Variants in GRB10 observed in about 807,000 individuals in gnomAD.
GRB10 encodes the protein growth factor receptor bound protein 10.
Under a neutral mutation model 80.9 loss-of-function variants are expected in GRB10, and 20 were observed. That is an observed-to-expected ratio of 0.25 (90% confidence interval 0.17 to 0.36). The LOEUF is 0.36. Ranked by LOEUF, GRB10 falls within the 10% of genes least tolerant of loss-of-function variation. GRB10 has a pLI of 1.00. For missense variants in GRB10, 548 were observed against 747.7 expected (o/e 0.73, Z 3.12); for synonymous variants, 291 against 291.5 (o/e 1.00, Z 0.02).
intron 4 of GRB10, among the ~76,000 whole-genome samples, chr7:50,708,755 A>T (rs1183466038): frequency 6.9e-6 from 1 of 145,648 alleles, no homozygotes; most frequent in South Asian, 2.2e-4. Context: ...GGCTCACTGC[A>T]ATCTCCACCT....
intron 5 of GRB10, among the ~76,000 whole-genome samples, chr7:50,700,604 A>G (rs927960757): frequency 1.3e-5 from 2 of 152,324 alleles, no homozygotes; most frequent in Middle Eastern, 6.8e-3. Context: ...TGAAGCTTAG[A>G]AAGTTAGCCT....
intron 3 of GRB10, among the ~76,000 whole-genome samples, chr7:50,742,768 G>A (rs920853153): frequency 5.3e-5 from 8 of 152,102 alleles, no homozygotes; most frequent in Admixed American, 3.9e-4. Flanking sequence ...AAGCTCCTCA[G>A]CTGTTTCCAA....
intron 2 of GRB10, among the ~76,000 whole-genome samples, chr7:50,777,264 A>C (rs1001690419): frequency 3.3e-5 from 5 of 152,030 alleles, no homozygotes; most frequent in African/African-American, 1.2e-4. Context: ...GAAGAGAGCA[A>C]ACCCATTCCC....
chr7:50,652,329 G>A (rs1302781942), intron 7 of GRB10, among the ~76,000 whole-genome samples: 4 of 152,188 alleles, frequency 2.6e-5, no homozygotes, highest in Non-Finnish European at 5.9e-5. Flanking sequence ...TCAGGGCCAC[G>A]GTTATGGCAG....
At chr7:50,652,512 G>C (rs1025603790) in intron 7 of GRB10, among the ~76,000 whole-genome samples, 12 of 152,192 alleles carry the variant, frequency 7.9e-5, no homozygotes, top group Non-Finnish European at 1.6e-4. Context: ...CCACTGAACT[G>C]ACTGCTAATA....
chr7:50,713,121 G>A (rs2066148869), intron 4 of GRB10, among the ~76,000 whole-genome samples: 1 of 152,208 alleles, frequency 6.6e-6, no homozygotes, highest in African/African-American at 2.4e-5. Flanking sequence ...CTACAGAAGA[G>A]TAGCTACATG....
At position 50,632,648 on chromosome 7, in the gene GRB10, G is replaced by A. The variant is rs139696370; in HGVS notation, c.505-5670C>T. Among the ~76,000 whole-genome samples, 1,027 of 152,306 alleles carry A rather than the reference G, an allele frequency of 6.7e-3. 12 individuals are homozygous for A. Among genetic ancestry groups the A allele is most frequent in the African/African-American group, 0.024 (993 of 41,570 alleles). ...GAGTACCAGGAGCTCAGGGCAGTGC[G>A]GATGACTTGGGAGAAGCCTAGCTGG... On this transcript the variant is annotated intron_variant, in intron 7 of 18. Coordinates refer to ENST00000401949, the MANE Select transcript of GRB10 (RefSeq NM_001350814.2).
At chr7:50,778,976 C>G (rs879605817) in intron 2 of GRB10, among the ~76,000 whole-genome samples, 11 of 152,272 alleles carry the variant, frequency 7.2e-5, no homozygotes, top group Admixed American at 1.3e-4. Context: ...GGAATCCAAA[C>G]AAATGTCAAA....
chr7:50,751,405 A>G (rs1477609244), intron 3 of GRB10, among the ~76,000 whole-genome samples: 1 of 152,264 alleles, frequency 6.6e-6, no homozygotes, highest in Non-Finnish European at 1.5e-5. Flanking sequence ...TGATGCATCT[A>G]TACAATGGAA....
intron 5 of GRB10, among the ~76,000 whole-genome samples, chr7:50,688,703 T>TA (rs1184950019): frequency 9.0e-4 from 88 of 97,818 alleles, no homozygotes; most frequent in Middle Eastern, 7.6e-3. Flanking sequence ...CCAGACTGTT[T>TA]AAAAAAAAAA....
intron 15 of GRB10, 32 bp downstream of exon 15, chr7:50,605,258 C>T: frequency 6.6e-7 from 1 of 1,521,198 alleles, no homozygotes; most frequent in Non-Finnish European, 9.1e-7. Context: ...CTTGAGGGTG[C>T]CCCTCCAGGC....
chr7:50,677,985 C>T (rs1285535610), intron 5 of GRB10, among the ~76,000 whole-genome samples: 3 of 152,200 alleles, frequency 2.0e-5, no homozygotes, highest in Admixed American at 2.0e-4. Context: ...AGACTGTTCT[C>T]TTCTAGGAAA....
intron 14 of GRB10, among the ~76,000 whole-genome samples, chr7:50,606,017 C>CGAAAGGCAG (rs1563132460): frequency 6.6e-6 from 1 of 152,108 alleles, no homozygotes; most frequent in Non-Finnish European, 1.5e-5. Context: ...GGAACAAAAG[C>CGAAAGGCAG]GAAAGGCAGG....
chr7:50,779,424 A>G (rs769588214), intron 2 of GRB10: 5 of 152,370 alleles, frequency 3.3e-5, no homozygotes, highest in African/African-American at 9.6e-5. Flanking sequence ...GAAACGTGCC[A>G]GCTCCCTTTA....
chr7:50,777,965 T>C (rs1175835426), intron 2 of GRB10, among the ~76,000 whole-genome samples: 1 of 152,136 alleles, frequency 6.6e-6, no homozygotes, highest in African/African-American at 2.4e-5. Context: ...AAATAGTTAA[T>C]GCTTGGGGGG....
At chr7:50,676,183 A>G (rs1474530423) in intron 5 of GRB10, among the ~76,000 whole-genome samples, 1 of 152,028 alleles carries the variant, frequency 6.6e-6, no homozygotes, top group Non-Finnish European at 1.5e-5. Flanking sequence ...CAAAGGCTAC[A>G]TTGGTAGGAA....
At chr7:50,768,302 T>C (rs1416343906) in intron 2 of GRB10, among the ~76,000 whole-genome samples, 1 of 152,246 alleles carries the variant, frequency 6.6e-6, no homozygotes, top group African/African-American at 2.4e-5. Flanking sequence ...TACCAGATTC[T>C]GCACTAATTC....
At chr7:50,634,469 A>G (rs575042639) in intron 7 of GRB10, among the ~76,000 whole-genome samples, 1 of 152,374 alleles carries the variant, frequency 6.6e-6, no homozygotes, top group African/African-American at 2.4e-5. Context: ...CACTGTATAA[A>G]GCAATTACAC....
chr7:50,637,392 T>G (rs564590673), intron 7 of GRB10, among the ~76,000 whole-genome samples: 2 of 152,164 alleles, frequency 1.3e-5, no homozygotes, highest in African/African-American at 4.8e-5. Context: ...ACAATAATAT[T>G]CAAGCTGAGA....
Sources: allele counts gnomAD v4.1 joint callset (sites outside exome capture counted in the v4.1 genomes callset), GRCh38; gene constraint gnomAD v4.1.1; transcripts MANE v1.5; gene names NCBI Gene and HGNC (gene_info 2026-07-23, HGNC 2026-07-21).